Variants in FRMPD4 observed in about 807,000 individuals in gnomAD.
FRMPD4 encodes the protein FERM and PDZ domain-containing protein 4.
FRMPD4 carries 22 observed loss-of-function variants against 94.1 expected under a neutral mutation model. The ratio of observed to expected loss-of-function variants is 0.23; its 90% CI spans 0.17 to 0.33. The LOEUF (loss-of-function observed/expected upper bound fraction) is 0.33. Among genes scored for constraint, FRMPD4 ranks in the 10% least tolerant of loss-of-function variants. FRMPD4 has a pLI of 1.00. For synonymous variants in FRMPD4, 631 were observed against 548.6 expected, an observed-to-expected ratio of 1.15 and a Z score of -2.10; for missense variants, 1,111 against 1,339.9, an observed-to-expected ratio of 0.83 and a Z score of 2.67.
intron 2 of FRMPD4, among the ~76,000 whole-genome samples, chrX:12,505,749 A>AAAG (rs1555975081): frequency 1.9e-4 from 15 of 78,806 alleles, no homozygotes; most frequent in African/African-American, 3.2e-4. Context: ...AAAAAAAAAA[A>AAAG]GGGGGGGAGA....
intron 3 of FRMPD4, among the ~76,000 whole-genome samples, chrX:11,878,531 A>G (rs1055305912): frequency 5.3e-5 from 6 of 112,386 alleles, no homozygotes; most frequent in African/African-American, 1.9e-4. Context: ...TGGCTATGCA[A>G]ATTGGTTTGT....
chrX:12,447,271 T>C (rs778717461), intron 1 of FRMPD4, among the ~76,000 whole-genome samples: 3 of 111,734 alleles, frequency 2.7e-5, no homozygotes, highest in African/African-American at 9.8e-5. Context: ...CCTTGTACTT[T>C]GAAGTATATC....
chrX:12,683,571 T>C lies in FRMPD4; in HGVS notation c.557T>C (p.Ile186Thr), dbSNP rs1489431084. The change falls in exon 6 of 17, where the codon ATC becomes ACC. Residue 186 changes from isoleucine to threonine, a missense_variant. Coordinates refer to ENST00000675598, the MANE Select transcript of FRMPD4 (RefSeq NM_001368397.1). The stretch of plus-strand genomic sequence containing the variant: ...GTACGCTTCTCTGAGGAGGTCATCA[T>C]CAACGGCCAAGTGTCGGTGAGTTTA... ...VKVRFSEEVIINGQVSETVKD... is the reference protein window; with the variant it reads ...VKVRFSEEVITNGQVSETVKD... 1 of 1,147,547 alleles carries C rather than the reference T, an allele frequency of 8.7e-7. No individual in the cohort carries two copies. Among genetic ancestry groups the C allele is most frequent in the Non-Finnish European group, 1.2e-6 (1 of 838,529 alleles). 94.6% of individuals were successfully genotyped at this position (1,147,547 alleles called of 1,213,427 possible).
chrX:12,051,947 T>C (rs970905937), intron 3 of FRMPD4, among the ~76,000 whole-genome samples: 1 of 111,817 alleles, frequency 8.9e-6, no homozygotes, highest in Admixed American at 9.5e-5. Flanking sequence ...AAGAGGGAAG[T>C]AATAACTTGG....
At chrX:12,643,708 G>A (rs779246250) in intron 4 of FRMPD4, among the ~76,000 whole-genome samples, 1 of 112,058 alleles carries the variant, frequency 8.9e-6, no homozygotes, top group African/African-American at 3.2e-5. Flanking sequence ...GTGGATGACA[G>A]TGCCAGTCAA....
At chrX:12,204,951 C>G (rs904651140) in intron 1 of FRMPD4, among the ~76,000 whole-genome samples, 2 of 110,795 alleles carry the variant, frequency 1.8e-5, no homozygotes, top group African/African-American at 3.3e-5. Context: ...TAATGATTGT[C>G]TTTCTTTGTT....
intron 3 of FRMPD4, among the ~76,000 whole-genome samples, chrX:12,071,379 A>G (rs1463378042): frequency 8.9e-6 from 1 of 111,926 alleles, no homozygotes; most frequent in East Asian, 2.8e-4. Context: ...TGCATGTTAC[A>G]CAAACCAAAG....
chrX:12,468,181 C>T (rs947726166), intron 1 of FRMPD4, among the ~76,000 whole-genome samples: 38 of 111,916 alleles, frequency 3.4e-4, no homozygotes, highest in African/African-American at 1.2e-3. Context: ...TTTATCTCTG[C>T]ATATTGAATG....
At chrX:12,343,561 C>T (rs1286004896) in intron 1 of FRMPD4, among the ~76,000 whole-genome samples, 1 of 111,733 alleles carries the variant, frequency 8.9e-6, no homozygotes, top group Non-Finnish European at 1.9e-5. Flanking sequence ...GATGAAAAAC[C>T]ACTCACCCCT....
At chrX:12,012,069 T>G (rs760425543) in intron 3 of FRMPD4, among the ~76,000 whole-genome samples, 1 of 110,342 alleles carries the variant, frequency 9.1e-6, no homozygotes, top group South Asian at 3.9e-4. Flanking sequence ...CCCAGCTAAT[T>G]TTTGTATTTT....
intron 2 of FRMPD4, among the ~76,000 whole-genome samples, chrX:12,512,736 C>T (rs1461731106): frequency 8.9e-6 from 1 of 111,806 alleles, no homozygotes; most frequent in African/African-American, 3.3e-5. Context: ...GGGTACATAC[C>T]CAGTAATGGC....
At chrX:11,884,934 C>A (rs190617682) in intron 3 of FRMPD4, among the ~76,000 whole-genome samples, 2 of 111,261 alleles carry the variant, frequency 1.8e-5, no homozygotes, top group Non-Finnish European at 3.8e-5. Context: ...ACAAGGATCC[C>A]GACTCACCAT....
At chrX:11,926,258 C>CAA (rs763084115) in intron 3 of FRMPD4, among the ~76,000 whole-genome samples, 418 of 30,460 alleles carry the variant, frequency 0.014, 4 homozygotes, top group Middle Eastern at 0.041. Context: ...GCTTACCAAC[C>CAA]AAAAAAAAAA....
At chrX:11,825,190 TTGTGTGTGTGTGTGTG>T (rs747320680) in intron 1 of FRMPD4, among the ~76,000 whole-genome samples, 29 of 80,162 alleles carry the variant, frequency 3.6e-4, no homozygotes, top group African/African-American at 1.0e-3. Flanking sequence ...TGTGTCTTCT[TTGTGTGTGTGTGTGTG>T]TGTGTGTGTG....
Position 12,614,862 on chromosome X carries a change from C to T in FRMPD4, c.403C>T (p.Arg135Trp). 1.7e-6 allele frequency: 2 copies of T among 1,147,469 alleles called. No homozygotes were observed. Among genetic ancestry groups the T allele is most frequent in the Non-Finnish European group, 2.4e-6 (2 of 838,271 alleles). 94.6% of individuals were successfully genotyped at this position (1,147,469 alleles called of 1,213,427 possible). A position where few individuals can be genotyped will look rare whatever the true frequency, so the allele number is the denominator to read the frequency against. The change falls in exon 4 of 17, where the codon CGG becomes TGG. Residue 135 changes from arginine to tryptophan, a missense_variant. Transcript: ENST00000675598. ...ACCGGTCAGCGCTGCACCCAGAGAGCGGGTCATCGATCTGGTCAGGTGAGT... is the reference window on the plus strand; with the variant it reads ...ACCGGTCAGCGCTGCACCCAGAGAGTGGGTCATCGATCTGGTCAGGTGAGT... ...DEPVSAAPRE[R>W]VIDLVRSCKE...
chrX:12,566,746 G>A (rs1031833007), intron 2 of FRMPD4, among the ~76,000 whole-genome samples: 10 of 111,760 alleles, frequency 8.9e-5, no homozygotes, highest in East Asian at 2.8e-4. Context: ...AAAAGATTAC[G>A]TTAATAACTG....
At chrX:12,586,490 G>A (rs2058929630) in intron 2 of FRMPD4, among the ~76,000 whole-genome samples, 2 of 112,636 alleles carry the variant, frequency 1.8e-5, no homozygotes, top group Non-Finnish European at 3.8e-5. Context: ...CCCACTGCAA[G>A]GTTTGATCTG....
chrX:11,877,988 C>T (rs945550020), exon 3 of FRMPD4, among the ~76,000 whole-genome samples: 1 of 112,019 alleles, frequency 8.9e-6, no homozygotes, highest in Non-Finnish European at 1.9e-5. Context: ...TTCAGCAGGG[C>T]AGCTGAGGAT....
intron 1 of FRMPD4, among the ~76,000 whole-genome samples, chrX:12,284,319 C>A (rs974377584): frequency 3.6e-5 from 4 of 111,901 alleles, no homozygotes; most frequent in African/African-American, 1.3e-4. Flanking sequence ...GACATACTGT[C>A]CCACCTTCCT....
Sources: allele counts gnomAD v4.1 joint callset (sites outside exome capture counted in the v4.1 genomes callset), GRCh38; gene constraint gnomAD v4.1.1; transcripts MANE v1.5; gene names NCBI Gene and HGNC (gene_info 2026-07-23, HGNC 2026-07-21).